COPG2: variants seen among roughly 807,000 people sequenced by gnomAD.
COPG2 encodes the protein coat protein complex I subunit gamma 2.
COPG2 carries 37 observed loss-of-function variants against 46.3 expected under a neutral mutation model. The ratio of observed to expected loss-of-function variants is 0.80; its 90% confidence interval spans 0.61 to 1.05. The LOEUF (loss-of-function observed/expected upper bound fraction) is 1.05, where lower values mean the gene tolerates loss of function less well. COPG2 is among the 50% of genes least tolerant of loss of function. The pLI is 0.00. For missense variants in COPG2, 427 were observed against 387.8 expected, an observed-to-expected ratio of 1.10 and a Z score of -0.85; for synonymous variants, 159 against 129.7, an observed-to-expected ratio of 1.23 and a Z score of -1.53.
intron 9 of COPG2, among the ~76,000 whole-genome samples, chr7:130,590,238 C>T (rs1265302933): frequency 3.3e-5 from 5 of 151,726 alleles, no homozygotes; most frequent in Non-Finnish European, 5.9e-5. Context: ...CCTCTCCCCA[C>T]GGTCTCCCTC....
At chr7:130,600,141 G>C (rs1794607682) in intron 9 of COPG2, among the ~76,000 whole-genome samples, 1 of 152,136 alleles carries the variant, frequency 6.6e-6, no homozygotes, top group South Asian at 2.1e-4. Context: ...CCTGTATTAA[G>C]ATTTTGATGT....
intron 20 of COPG2, among the ~76,000 whole-genome samples, chr7:130,542,115 G>T (rs1166120815): frequency 1.5e-5 from 2 of 129,984 alleles, no homozygotes; most frequent in East Asian, 2.0e-4. Context: ...TTGTTGAGAG[G>T]ATCAGGGAAT....
Position 130,557,676 on chromosome 7 carries a change from C to T in COPG2, c.1129-2544G>A, listed in dbSNP as rs1357101095. On this transcript the variant is annotated intron_variant, in intron 12 of 23. Transcript: ENST00000425248. ...ATAAAAAATTAGCTGGGCATGGTGG[C>T]GGGTGGCGGGTGCCTGTAATCCCAG... Among the ~76,000 whole-genome samples the T allele has an allele frequency of 2.0e-5, 3 of 150,668 alleles. No individual in the cohort carries two copies. The South Asian group carries it at 6.3e-4, about 31-fold the overall frequency.
chr7:130,506,874 A>G, intron 23 of COPG2, 68 bp from the exon 24 acceptor site: 1 of 702,246 alleles, frequency 1.4e-6, no homozygotes. Flanking sequence ...GAAATTTATC[A>G]TGCTATCCCT....
intron 5 of COPG2, among the ~76,000 whole-genome samples, chr7:130,648,497 G>A (rs1554458648): frequency 6.6e-6 from 1 of 152,194 alleles, no homozygotes; most frequent in African/African-American, 2.4e-5. Flanking sequence ...TAAATTTGGT[G>A]TGGGTGAGAC....
At chr7:130,548,690 C>G (rs1285395160) in intron 18 of COPG2, 148 bp from the exon 19 acceptor site, 2 of 378,324 alleles carry the variant, frequency 5.3e-6, no homozygotes, top group African/African-American at 4.2e-5. Context: ...ATCACGAGGT[C>G]AGGAGATCGA....
At chr7:130,611,800 C>T (rs1299415909) in intron 8 of COPG2, among the ~76,000 whole-genome samples, 4 of 152,036 alleles carry the variant, frequency 2.6e-5, no homozygotes, top group Non-Finnish European at 5.9e-5. Flanking sequence ...AAAGCTGCTC[C>T]GTATGATTTT....
intron 4 of COPG2, among the ~76,000 whole-genome samples, chr7:130,656,480 A>C (rs782113746): frequency 2.6e-5 from 4 of 152,174 alleles, no homozygotes; most frequent in African/African-American, 9.6e-5. Context: ...ATTCCTTGAA[A>C]GATACAAACT....
chr7:130,583,496 A>T (rs1384884956), intron 9 of COPG2, among the ~76,000 whole-genome samples: 4 of 140,472 alleles, frequency 2.8e-5, no homozygotes, highest in Admixed American at 7.1e-5. Flanking sequence ...TAAAGTATAA[A>T]AAAAAAAAAA....
intron 9 of COPG2, chr7:130,608,215 T>C (rs935216524): frequency 4.3e-6 from 2 of 468,154 alleles, no homozygotes; most frequent in Non-Finnish European, 8.6e-6. Flanking sequence ...TACTGCATGA[T>C]ACAAAAACTT....
At chr7:130,526,751 T>C (rs1799777886) in intron 20 of COPG2, among the ~76,000 whole-genome samples, 2 of 150,308 alleles carry the variant, frequency 1.3e-5, no homozygotes, top group Non-Finnish European at 3.0e-5. Context: ...TGACTGCTCT[T>C]AAAGCCTTGA....
chr7:130,653,435 G>T (rs547709952), intron 4 of COPG2, among the ~76,000 whole-genome samples: 1 of 152,176 alleles, frequency 6.6e-6, no homozygotes. Flanking sequence ...TGTATTTTTA[G>T]TAGAGACGGC....
chr7:130,564,828 G>A (rs1030247781), intron 9 of COPG2, among the ~76,000 whole-genome samples: 1 of 152,244 alleles, frequency 6.6e-6, no homozygotes, highest in South Asian at 2.1e-4. Context: ...CTGTCACTAT[G>A]TGACCTGTCT....
chr7:130,667,925 A>T (rs777066843), intron 1 of COPG2, among the ~76,000 whole-genome samples: 1 of 152,206 alleles, frequency 6.6e-6, no homozygotes, highest in Non-Finnish European at 1.5e-5. Context: ...GAAGTTTCCC[A>T]GAGAATCATG....
chr7:130,630,195 G>A (rs2116541618), intron 5 of COPG2, among the ~76,000 whole-genome samples: 1 of 152,234 alleles, frequency 6.6e-6, no homozygotes, highest in South Asian at 2.1e-4. Context: ...ACAGGTTTGA[G>A]CCACCGCACC....
At chr7:130,601,865 A>G (rs1415829692) in intron 9 of COPG2, among the ~76,000 whole-genome samples, 13 of 148,902 alleles carry the variant, frequency 8.7e-5, no homozygotes, top group Middle Eastern at 3.5e-3. Context: ...GAAGGAAGCA[A>G]AGAAGGAAGG....
At chr7:130,516,174 C>G (rs1475929852) in intron 20 of COPG2, among the ~76,000 whole-genome samples, 1 of 152,298 alleles carries the variant, frequency 6.6e-6, no homozygotes, top group South Asian at 2.1e-4. Flanking sequence ...GAAGGCATCA[C>G]TTAGTATTGA....
intron 5 of COPG2, among the ~76,000 whole-genome samples, chr7:130,642,712 GA>G: frequency 6.6e-6 from 1 of 152,172 alleles, no homozygotes; most frequent in African/African-American, 2.4e-5. Flanking sequence ...AAAATCTGTG[GA>G]AAAATGGAAT....
At chr7:130,605,825 G>T (rs1406484889) in intron 9 of COPG2, 20 of 514,260 alleles carry the variant, frequency 3.9e-5, no homozygotes, top group Admixed American at 3.2e-4. Context: ...CTAATCTACA[G>T]ATCTGAGATA....
Sources: gnomAD v4.1 joint callset for allele counts (sites outside exome capture counted in the v4.1 genomes callset) on GRCh38, gnomAD v4.1.1 for gene constraint, MANE v1.5 for transcripts, NCBI Gene and HGNC (gene_info 2026-07-23, HGNC 2026-07-21) for gene names.